ITFG2: variants seen among roughly 807,000 people sequenced by gnomAD.
The protein encoded by ITFG2 is integrin alpha FG-GAP repeat containing 2.
Under a neutral mutation model 54.4 loss-of-function variants are expected in ITFG2, and 36 were observed. That is an observed-to-expected ratio of 0.66 (90% CI 0.51 to 0.87). ITFG2 has a LOEUF of 0.87. Ranked by LOEUF, ITFG2 falls within the 40% of genes least tolerant of loss-of-function variation. ITFG2 has a pLI of 0.00. For missense variants in ITFG2, 524 were observed against 576.7 expected (o/e 0.91, Z 0.94); for synonymous variants, 211 against 225.4 (o/e 0.94, Z 0.57).
chr12:2,845,874 CTTTT>C lies in ITFG2; in HGVS notation n.300+4884_300+4887del, dbSNP rs113864521. On this transcript the variant is annotated intron_variant and non_coding_transcript_variant, in intron 2 of 3. Transcript: ENST00000537710. The surrounding 1 kb of genome is among the most constrained non-coding windows in gnomAD (Gnocchi z 4.2). Reference sequence around the variant, plus strand: ...GCTGAGCTGGGGTGATTTTCTTTTTCTTTTTTTTGTTGAGTTAGGGTCTCACTGT... The same window carrying C: ...GCTGAGCTGGGGTGATTTTCTTTTTCTTTTGTTGAGTTAGGGTCTCACTGT... Among the ~76,000 whole-genome samples the C allele has an allele frequency of 1.3e-5, 2 of 151,430 alleles. No homozygotes were observed. The highest frequency in any genetic ancestry group is 6.6e-5 in the Admixed American group (1 of 15,202).
chr12:2,854,804 C>T, intron 2 of ITFG2: 3 of 1,319,400 alleles, frequency 2.3e-6, no homozygotes, highest in Non-Finnish European at 3.0e-6. Flanking sequence ...CGGGGAAGGA[C>T]AGAGTCCCGG....
chr12:2,849,645 CAGGGAATCCCTTCT>C, intron 2 of ITFG2: 1 of 1,133,764 alleles, frequency 8.8e-7, no homozygotes, highest in Non-Finnish European at 1.2e-6. Context: ...CATCAGGCGG[CAGGGAATCCCTTCT>C]GTCTCTCCAC....
At chr12:2,827,259 G>A (rs117603123), downstream of ITFG2, 4,454 of 1,614,046 alleles carry the variant, frequency 2.8e-3, 12 homozygotes, top group Non-Finnish European at 3.4e-3. This position sits in a 1 kb window ranked among gnomAD's most constrained non-coding sequence, Gnocchi z 4.0. Context: ...TGAGAACGGG[G>A]CTTTCAGCCG....
chr12:2,857,212 G>A (rs575914466), intron 2 of ITFG2: 6 of 607,076 alleles, frequency 9.9e-6, no homozygotes, highest in Non-Finnish European at 1.8e-5. Flanking sequence ...GACAGGCAGG[G>A]GATAGCACTT....
At position 2,824,241 on chromosome 12, in the gene ITFG2, T is replaced by C. The variant is rs753141308; in HGVS notation, c.*48T>C. ...GAAGGATTCTTCTGAACCCCCACCC[T>C]ACCCCCTAAAGGTATCTGTGGTATT... On this transcript the variant is annotated 3_prime_UTR_variant, in exon 12 of 12. Transcript: ENST00000228799. 3.2e-6 allele frequency: 5 copies of C among 1,549,432 alleles called. No individual in the cohort carries two copies. The African/African-American group carries it at 6.8e-5, about 21-fold the overall frequency.
intron 1 of ITFG2, chr12:2,837,077 A>G (rs1404980388): frequency 6.6e-6 from 1 of 152,322 alleles, no homozygotes; most frequent in East Asian, 1.9e-4. Context: ...CACGTCTGTA[A>G]TCCCAGCACT....
chr12:2,843,169 C>G (rs114715512), intron 2 of ITFG2, among the ~76,000 whole-genome samples: 1 of 152,336 alleles, frequency 6.6e-6, no homozygotes, highest in African/African-American at 2.4e-5. Context: ...AAACAGCTCT[C>G]TTGAACCCGT....
Position 2,822,775 on chromosome 12 carries a change from T to G in ITFG2, c.949-19T>G, listed in dbSNP as rs1392639091. On this transcript the variant is annotated intron_variant, in intron 9 of 11. Transcript: ENST00000228799. Reference sequence around the variant, plus strand: ...GTCCACAGCTCCTTTATGTTCCTTTTGTCTCTGTCCTTTTTCAGGGCAACG... The same window carrying G: ...GTCCACAGCTCCTTTATGTTCCTTTGGTCTCTGTCCTTTTTCAGGGCAACG... 1 of 1,602,826 alleles carries G rather than the reference T, an allele frequency of 6.2e-7. No individual in the cohort carries two copies. The highest frequency in any genetic ancestry group is 8.5e-7 in the Non-Finnish European group (1 of 1,169,896).
At chr12:2,827,548 C>G (rs2097974582), downstream of ITFG2, 1 of 1,607,816 alleles carries the variant, frequency 6.2e-7, no homozygotes, top group Non-Finnish European at 8.5e-7. The surrounding 1 kb of genome is among the most constrained non-coding windows in gnomAD (Gnocchi z 4.0). Flanking sequence ...TCATCAGAAC[C>G]TGGTCCAGGT....
intron 2 of ITFG2, among the ~76,000 whole-genome samples, chr12:2,842,073 TATA>T (rs1412519626): frequency 7.3e-4 from 110 of 149,724 alleles, no homozygotes; most frequent in African/African-American, 2.4e-3. Context: ...AAAACAATAA[TATA>T]ATAATAATAA....
At chr12:2,842,449 GA>G (rs2098043699) in intron 2 of ITFG2, among the ~76,000 whole-genome samples, 1 of 150,928 alleles carries the variant, frequency 6.6e-6, no homozygotes, top group South Asian at 2.2e-4. Flanking sequence ...AAAAAAGTAA[GA>G]AATGTTTTAG....
rs759395296 is a variant in ITFG2 at position 2,859,401 on chromosome 12, G to T, written n.621-133G>T. On this transcript the variant is annotated intron_variant and non_coding_transcript_variant, in intron 3 of 3. Coordinates refer to the ITFG2 transcript ENST00000537710. The stretch of plus-strand genomic sequence containing the variant: ...ACTGTAGGACTTCTTGGGTCTTGGG[G>T]TGGGAGATTGGGACGAATCCTCCCA... 26 of 1,613,936 alleles carry T rather than the reference G, an allele frequency of 1.6e-5. No homozygotes were observed. Among genetic ancestry groups the T allele is most frequent in the Non-Finnish European group, 2.0e-5 (24 of 1,180,048 alleles).
intron 3 of ITFG2, 28 bp downstream of exon 3, chr12:2,817,978 T>C (rs1421752123): frequency 6.2e-7 from 1 of 1,612,626 alleles, no homozygotes; most frequent in Admixed American, 1.7e-5. Flanking sequence ...CCTTCCTTGG[T>C]TCTTAGCTCA....
In ITFG2 at chr12:2,858,776, C is replaced by G. The variant is rs150424596; in HGVS notation, n.620+445C>G. On this transcript the variant is annotated intron_variant and non_coding_transcript_variant, in intron 3 of 3. Transcript: ENST00000537710. The stretch of plus-strand genomic sequence containing the variant: ...TTGTGTCCAGGACCAGGCCTTCTGT[C>G]AGAGAACGATTGGCTGCAAGGCCAG... 11 of 1,614,194 alleles carry G rather than the reference C, an allele frequency of 6.8e-6. No individual in the cohort carries two copies. The African/African-American group carries it at 1.5e-4, about 22-fold the overall frequency.
chr12:2,858,630 G>A, intron 3 of ITFG2: 2 of 1,610,960 alleles, frequency 1.2e-6, no homozygotes, highest in Non-Finnish European at 1.7e-6. Context: ...AGGGGCAAGG[G>A]CAGGGCTCTA....
chr12:2,859,077 G>A, intron 3 of ITFG2: 1 of 1,608,160 alleles, frequency 6.2e-7, no homozygotes, highest in Non-Finnish European at 8.5e-7. Context: ...AGGGGTTCTG[G>A]GGAGGACAGA....
At chr12:2,830,613 C>T in intron 2 of ITFG2, 3 of 1,353,698 alleles carry the variant, frequency 2.2e-6, no homozygotes, top group Non-Finnish European at 3.0e-6. Context: ...TTCTCCCTCC[C>T]TCCCTCTCCC....
downstream of ITFG2, among the ~76,000 whole-genome samples, chr12:2,828,805 A>G (rs2097984324): frequency 6.6e-6 from 1 of 152,182 alleles, no homozygotes; most frequent in South Asian, 2.1e-4. Flanking sequence ...TCACGCCATT[A>G]CACTCCAGCC....
downstream of ITFG2, chr12:2,830,927 C>G (rs1434542622): frequency 1.3e-6 from 2 of 1,553,516 alleles, no homozygotes; most frequent in Non-Finnish European, 8.7e-7. Context: ...GCTCAGTTAC[C>G]CCACTTAGAT....
Sources: allele counts gnomAD v4.1 joint callset (sites outside exome capture counted in the v4.1 genomes callset), GRCh38; gene constraint gnomAD v4.1.1; non-coding constraint Gnocchi (gnomAD v3.1); transcripts MANE v1.5; gene names NCBI Gene and HGNC (gene_info 2026-07-23, HGNC 2026-07-21).